Variants in RPSA2 observed in about 807,000 individuals in gnomAD.
The protein encoded by RPSA2 is small ribosomal subunit protein uS2B.
the RPSA2 span, chr19:23,807,817 CT>C: frequency 1.3e-5 from 5 of 399,246 alleles, no homozygotes; most frequent in South Asian, 4.5e-5. Context: ...GTTTGTGTGT[CT>C]TTTCCAGGGA....
chr19:23,787,867 C>G, the RPSA2 span, among the ~76,000 whole-genome samples: 2 of 152,130 alleles, frequency 1.3e-5, no homozygotes, highest in Admixed American at 1.3e-4. Context: ...CATATTGCTG[C>G]GCCCTGCCCA....
At chr19:23,862,364 T>C in the RPSA2 span, among the ~76,000 whole-genome samples, 2 of 151,580 alleles carry the variant, frequency 1.3e-5, no homozygotes, top group Admixed American at 1.3e-4. Flanking sequence ...TTGAATACCC[T>C]TTATTTCCTT....
the RPSA2 span, among the ~76,000 whole-genome samples, chr19:23,862,672 G>T: frequency 6.6e-6 from 1 of 151,980 alleles, no homozygotes; most frequent in Non-Finnish European, 1.5e-5. Flanking sequence ...TATATGCTGG[G>T]TTACATTTAT....
chr19:23,766,142 C>CTTTTTTTTTTTTTTTTTTTTTTTT, the RPSA2 span, among the ~76,000 whole-genome samples: 4 of 43,260 alleles, frequency 9.2e-5, 2 homozygotes. Flanking sequence ...TATTTCATTT[C>CTTTTTTTTTTTTTTTTTTTTTTTT]CTTTTTTTTT....
At chr19:23,850,450 G>T in the RPSA2 span, among the ~76,000 whole-genome samples, 16 of 124,992 alleles carry the variant, frequency 1.3e-4, no homozygotes, top group Admixed American at 5.9e-4. Context: ...GGTCTCCATT[G>T]CCATTAGGGA....
the RPSA2 span, among the ~76,000 whole-genome samples, chr19:23,804,320 C>CG: frequency 0.98 from 144,928 of 148,166 alleles, 70,979 homozygotes; most frequent in Middle Eastern, 1. Context: ...TTTTTGGAGA[C>CG]GAGTCTTGCT....
chr19:23,789,660 G>C, the RPSA2 span, among the ~76,000 whole-genome samples: 1 of 151,898 alleles, frequency 6.6e-6, no homozygotes, highest in Non-Finnish European at 1.5e-5. Context: ...AAAGCTCTCG[G>C]GTGGCACAGA....
chr19:23,825,304 T>C, the RPSA2 span, among the ~76,000 whole-genome samples: 8 of 152,230 alleles, frequency 5.3e-5, no homozygotes, highest in Admixed American at 6.5e-5. Context: ...TTTTGTGTTA[T>C]ATATTTTAGG....
chr19:23,806,784 C>CAAAAAAAA, the RPSA2 span, among the ~76,000 whole-genome samples: 1 of 71,378 alleles, frequency 1.4e-5, no homozygotes, highest in Non-Finnish European at 2.8e-5. Context: ...GACTGAGTCT[C>CAAAAAAAA]AAAAAAAAAA....
At chr19:23,841,943 CT>C in the RPSA2 span, among the ~76,000 whole-genome samples, 1 of 152,140 alleles carries the variant, frequency 6.6e-6, no homozygotes, top group African/African-American at 2.4e-5. Context: ...AATAGTTTCT[CT>C]TTGTTTATAC....
chr19:23,869,019 T>A, the RPSA2 span, among the ~76,000 whole-genome samples: 2 of 152,170 alleles, frequency 1.3e-5, no homozygotes, highest in African/African-American at 4.8e-5. Flanking sequence ...GATTCCATGT[T>A]CTTGGCCATG....
the RPSA2 span, among the ~76,000 whole-genome samples, chr19:23,805,676 A>C: frequency 6.6e-5 from 10 of 152,150 alleles, no homozygotes; most frequent in Non-Finnish European, 7.3e-5. Flanking sequence ...AAAGAGAAAA[A>C]ATGACTTTTT....
the RPSA2 span, among the ~76,000 whole-genome samples, chr19:23,796,592 G>T: frequency 6.6e-6 from 1 of 151,902 alleles, no homozygotes; most frequent in East Asian, 1.9e-4. Context: ...GCTTTATTTG[G>T]TTGGTTGGCT....
chr19:23,810,410 A>T, the RPSA2 span, among the ~76,000 whole-genome samples: 1 of 5,958 alleles, frequency 1.7e-4, no homozygotes. Flanking sequence ...AAAAAAAAAA[A>T]AAAAAAAAAA....
At chr19:23,805,987 TTATC>T in the RPSA2 span, among the ~76,000 whole-genome samples, 1 of 150,704 alleles carries the variant, frequency 6.6e-6, no homozygotes, top group African/African-American at 2.5e-5. Flanking sequence ...TAGGTGTGGA[TTATC>T]TATCTGTCTG....
the RPSA2 span, among the ~76,000 whole-genome samples, chr19:23,858,782 A>G: frequency 6.6e-6 from 1 of 152,216 alleles, no homozygotes; most frequent in Non-Finnish European, 1.5e-5. Flanking sequence ...CAGGCAACAC[A>G]GTGCTGGCAA....
the RPSA2 span, chr19:23,832,808 G>T: frequency 6.3e-7 from 1 of 1,576,728 alleles, no homozygotes; most frequent in Non-Finnish European, 8.6e-7. Flanking sequence ...CCCTACAAAT[G>T]TGAAGAATGT....
the RPSA2 span, among the ~76,000 whole-genome samples, chr19:23,844,512 A>C: frequency 1.3e-5 from 2 of 152,000 alleles, no homozygotes; most frequent in African/African-American, 2.4e-5. Flanking sequence ...TAGTAATGTT[A>C]TTGGTCCATT....
At chr19:23,828,208 A>G in the RPSA2 span, among the ~76,000 whole-genome samples, 3 of 150,998 alleles carry the variant, frequency 2.0e-5, no homozygotes, top group Admixed American at 1.3e-4. Context: ...TATGTGCTGC[A>G]TTCTATTTTA....
Sources: allele counts gnomAD v4.1 joint callset (sites outside exome capture counted in the v4.1 genomes callset), GRCh38; gene constraint gnomAD v4.1.1; transcripts MANE v1.5; gene names NCBI Gene and HGNC (gene_info 2026-07-23, HGNC 2026-07-21).